IFT74: variants seen among roughly 807,000 people sequenced by gnomAD.
The protein encoded by IFT74 is intraflagellar transport 74.
A neutral mutation model predicts 96.7 loss-of-function variants in IFT74; 92 were observed. The observed-to-expected ratio is 0.95, with a 90% CI of 0.80 to 1.13. The LOEUF is 1.13. Among genes scored for constraint, IFT74 ranks in the 50% most tolerant of loss-of-function variants. The pLI is 0.00. For missense variants in IFT74, 811 were observed against 698.2 expected (o/e 1.16, Z -1.82); for synonymous variants, 223 against 213.2 (o/e 1.05, Z -0.40).
chr9:27,060,716 TG>T (rs764789345), intron 19 of IFT74, 65 bp downstream of exon 19: 9 of 1,203,268 alleles, frequency 7.5e-6, no homozygotes, highest in African/African-American at 3.1e-5. Context: ...CCCAACACTT[TG>T]GGAGGCCGAG....
At chr9:27,033,940 A>G (rs1015296251) in intron 13 of IFT74, among the ~76,000 whole-genome samples, 2 of 152,194 alleles carry the variant, frequency 1.3e-5, no homozygotes, top group African/African-American at 4.8e-5. Flanking sequence ...AGTCAAGATA[A>G]GGTACACATC....
chr9:27,056,314 T>G lies in IFT74; in HGVS notation c.1498-20T>G. ...CTACATATTTTCTATAACCTGTCAC[T>G]TCTATTTGGATCTTTCTAGAAATTA... On this transcript the variant is annotated intron_variant, in intron 17 of 19. Coordinates refer to ENST00000380062, the MANE Select transcript of IFT74 (RefSeq NM_025103.4). 6.6e-7 allele frequency: 1 copy of G among 1,524,384 alleles called. No individual in the cohort carries two copies. The highest frequency in any genetic ancestry group is 1.4e-5 in the African/African-American group (1 of 71,706). 94.4% of individuals were successfully genotyped at this position (1,524,384 alleles called of 1,614,324 possible). A position where few individuals can be genotyped will look rare whatever the true frequency, so the allele number is the denominator to read the frequency against.
chr9:26,962,870 A>AAT (rs1172084796), intron 2 of IFT74, among the ~76,000 whole-genome samples: 1 of 151,992 alleles, frequency 6.6e-6, no homozygotes, highest in Non-Finnish European at 1.5e-5. Flanking sequence ...AAACATTTAT[A>AAT]ATATATATAC....
In IFT74 at chr9:26,962,096, GA is replaced by G; in HGVS notation, c.120+12del. The G allele has an allele frequency of 2.5e-6, 4 of 1,614,014 alleles. No homozygotes were observed. Among genetic ancestry groups the G allele is most frequent in the Non-Finnish European group, 3.4e-6 (4 of 1,179,946 alleles). On this transcript the variant is annotated intron_variant, in intron 2 of 19. Transcript: ENST00000380062. Reference sequence around the variant, plus strand: ...TTCGAGTGGCAACTGCAGTAAGTTTGAAACAAATCTATTTACTTTGGGAGGC... The same window carrying G: ...TTCGAGTGGCAACTGCAGTAAGTTTGAACAAATCTATTTACTTTGGGAGGC...
At chr9:27,020,970 T>G (rs1204528455) in intron 12 of IFT74, among the ~76,000 whole-genome samples, 2 of 152,192 alleles carry the variant, frequency 1.3e-5, no homozygotes, top group Non-Finnish European at 2.9e-5. Flanking sequence ...ATCATTCTTA[T>G]GCCTTTACGT....
At chr9:26,990,622 G>A (rs750443436) in intron 8 of IFT74, among the ~76,000 whole-genome samples, 3 of 152,032 alleles carry the variant, frequency 2.0e-5, no homozygotes, top group Non-Finnish European at 2.9e-5. Context: ...AGCAATCTAC[G>A]TCATATATAG....
At chr9:27,001,943 T>TC (rs1481570996) in intron 8 of IFT74, among the ~76,000 whole-genome samples, 1 of 71,402 alleles carries the variant, frequency 1.4e-5, no homozygotes, top group Non-Finnish European at 3.6e-5. Flanking sequence ...TTTTTTTCTC[T>TC]TTTTTTTTTT....
chr9:26,978,918 TA>T (rs1421569329), intron 3 of IFT74, among the ~76,000 whole-genome samples: 4 of 152,274 alleles, frequency 2.6e-5, no homozygotes, highest in African/African-American at 4.8e-5. Context: ...TATTAGAGTT[TA>T]AAATTTAGAT....
intron 8 of IFT74, chr9:27,005,762 G>C (rs561605526): frequency 1.2e-4 from 18 of 151,542 alleles, no homozygotes; most frequent in African/African-American, 3.9e-4. Context: ...AGATTGACTA[G>C]AAGAATAATT....
At chr9:27,019,634 A>G (rs1829504771) in intron 12 of IFT74, among the ~76,000 whole-genome samples, 1 of 152,004 alleles carries the variant, frequency 6.6e-6, no homozygotes, top group South Asian at 2.1e-4. Flanking sequence ...TTATTTCCAA[A>G]TAGTATTCCA....
At chr9:26,987,787 A>G (rs911179977) in intron 6 of IFT74, among the ~76,000 whole-genome samples, 6 of 152,256 alleles carry the variant, frequency 3.9e-5, no homozygotes, top group Non-Finnish European at 5.9e-5. Context: ...AGTGTTTGAC[A>G]CTAGGTAAAT....
intron 8 of IFT74, among the ~76,000 whole-genome samples, chr9:27,003,605 A>G (rs1427348218): frequency 6.6e-6 from 1 of 152,138 alleles, no homozygotes; most frequent in East Asian, 1.9e-4. Flanking sequence ...GCAATAAGGA[A>G]TTTACTGCTA....
intron 1 of IFT74, chr9:26,947,516 G>C (rs1024259537): frequency 6.4e-6 from 1 of 155,610 alleles, no homozygotes; most frequent in African/African-American, 2.4e-5. Flanking sequence ...GCGCCAGCTG[G>C]CGTGGACATC....
At chr9:26,984,388 T>C in intron 5 of IFT74, 33 bp downstream of exon 5, 1 of 1,579,628 alleles carries the variant, frequency 6.3e-7, no homozygotes, top group Non-Finnish European at 8.6e-7. Flanking sequence ...TCATTCAGTA[T>C]TTTGTGCTTA....
rs200261239 is a variant in IFT74, at chr9:27,024,038, TC to T, written c.975-4985del. Among the ~76,000 whole-genome samples the T allele has an allele frequency of 5.9e-5, 9 of 152,236 alleles. No individual in the cohort carries two copies. The East Asian group carries it at 1.7e-3, about 29-fold the overall frequency. ...CTGATGCCCTCTTGAAAGTGCCACC[TC>T]CTAGCTGGAGGCCAACCAACACAAA... is the stretch of plus-strand genomic sequence containing the variant. On this transcript the variant is annotated intron_variant, in intron 12 of 19. Coordinates refer to ENST00000380062, the MANE Select transcript of IFT74 (RefSeq NM_025103.4).
At chr9:26,989,585 A>T (rs887970807) in intron 7 of IFT74, among the ~76,000 whole-genome samples, 9 of 152,130 alleles carry the variant, frequency 5.9e-5, no homozygotes, top group African/African-American at 2.2e-4. Flanking sequence ...AAACCATGAT[A>T]ATTTAGTTAC....
intron 13 of IFT74, among the ~76,000 whole-genome samples, chr9:27,039,514 T>C (rs1819372975): frequency 6.6e-6 from 1 of 152,130 alleles, no homozygotes; most frequent in Non-Finnish European, 1.5e-5. Flanking sequence ...CTGGACAACA[T>C]AGACCCCATT....
chr9:26,995,829 T>A, intron 8 of IFT74: 1 of 1,603,674 alleles, frequency 6.2e-7, no homozygotes, highest in Middle Eastern at 1.7e-4. Flanking sequence ...AAAGCCCAAC[T>A]TTTTCCAAGA....
At chr9:27,061,285 G>A (rs1396145495) in intron 19 of IFT74, among the ~76,000 whole-genome samples, 6 of 152,128 alleles carry the variant, frequency 3.9e-5, no homozygotes, top group Admixed American at 1.3e-4. Flanking sequence ...GGAGTTGGGC[G>A]ATCCAATTTT....
Sources: allele counts gnomAD v4.1 joint callset (sites outside exome capture counted in the v4.1 genomes callset), GRCh38; gene constraint gnomAD v4.1.1; transcripts MANE v1.5; gene names NCBI Gene and HGNC (gene_info 2026-07-23, HGNC 2026-07-21).